The following RCAN2 variants were observed in gnomAD, a reference collection of about 807,000 sequenced individuals.
The protein encoded by RCAN2 is calcipressin-2.
A neutral mutation model predicts 23.6 loss-of-function variants in RCAN2; 9 were observed. That is an observed-to-expected ratio of 0.38 (90% CI 0.23 to 0.67). The LOEUF is 0.67. Ranked by LOEUF, RCAN2 falls within the 30% of genes least tolerant of loss-of-function variation. The pLI is 0.51. For synonymous variants in RCAN2, 109 were observed against 115.7 expected (o/e 0.94, Z 0.37); for missense variants, 273 against 302.3 (o/e 0.90, Z 0.72).
intron 2 of RCAN2, among the ~76,000 whole-genome samples, chr6:46,432,506 C>G (rs564263965): frequency 1.3e-5 from 2 of 152,204 alleles, no homozygotes; most frequent in South Asian, 4.2e-4. Flanking sequence ...AGCCACCACA[C>G]CCGGCCTATC....
intron 4 of RCAN2, among the ~76,000 whole-genome samples, chr6:46,226,937 CTT>C (rs1430450220): frequency 6.6e-6 from 1 of 152,150 alleles, no homozygotes; most frequent in Non-Finnish European, 1.5e-5. Context: ...ATAAATAACT[CTT>C]ATTACTTTTG....
chr6:46,259,089 G>A (rs1041044470), intron 2 of RCAN2, among the ~76,000 whole-genome samples: 10 of 152,150 alleles, frequency 6.6e-5, no homozygotes, highest in Non-Finnish European at 1.2e-4. Flanking sequence ...TGGAGGCTGA[G>A]GTGGGAGGAT....
At chr6:46,389,447 C>A (rs1430696855) in intron 2 of RCAN2, among the ~76,000 whole-genome samples, 1 of 152,212 alleles carries the variant, frequency 6.6e-6, no homozygotes, top group African/African-American at 2.4e-5. Flanking sequence ...AAGGCACTCT[C>A]AATCCTCCAT....
chr6:46,425,322 TCAC>T (rs911521140), intron 2 of RCAN2, among the ~76,000 whole-genome samples: 1 of 152,188 alleles, frequency 6.6e-6, no homozygotes, highest in Non-Finnish European at 1.5e-5. Flanking sequence ...AGCAATGACA[TCAC>T]CACACATCAT....
At chr6:46,293,594 CT>C (rs1444904932) in intron 2 of RCAN2, among the ~76,000 whole-genome samples, 1 of 152,148 alleles carries the variant, frequency 6.6e-6, no homozygotes, top group Non-Finnish European at 1.5e-5. Context: ...TTATTTTTAG[CT>C]GAAGAATGAC....
chr6:46,286,800 T>C (rs1021649197), intron 2 of RCAN2, among the ~76,000 whole-genome samples: 2 of 151,710 alleles, frequency 1.3e-5, no homozygotes, highest in Admixed American at 6.6e-5. Flanking sequence ...GTCAGGAGTT[T>C]GAGACGAACC....
intron 1 of RCAN2, among the ~76,000 whole-genome samples, chr6:46,470,266 C>T (rs1212035925): frequency 6.6e-6 from 1 of 152,134 alleles, no homozygotes. Context: ...TCCAACAAGA[C>T]CAATGGAAGC....
Position 46,456,843 on chromosome 6 carries a change from GCTT to G in RCAN2, c.131_133del (p.Glu44del), listed in dbSNP as rs781354200. 1.1e-5 allele frequency: 17 copies of G among 1,550,676 alleles called. No homozygotes were observed. The highest frequency in any genetic ancestry group is 3.6e-5 in the South Asian group (3 of 84,064). The stretch of plus-strand genomic sequence containing the variant: ...ATTGAAGTCAGTGATTGCTTGAAAG[GCTT>G]CTTCTGCAAAACAACGAGTGACAGC... On this transcript the variant is annotated inframe_deletion, in exon 2 of 5. Coordinates refer to ENST00000371374, the MANE Select transcript of RCAN2 (RefSeq NM_001251974.2).
chr6:46,482,522 T>C (rs972675638), intron 1 of RCAN2, among the ~76,000 whole-genome samples: 1 of 152,140 alleles, frequency 6.6e-6, no homozygotes, highest in Non-Finnish European at 1.5e-5. Context: ...CCCAGATAAA[T>C]GGAAATGGGT....
chr6:46,475,260 C>T (rs1768681445), intron 1 of RCAN2, among the ~76,000 whole-genome samples: 2 of 152,180 alleles, frequency 1.3e-5, no homozygotes, highest in Non-Finnish European at 2.9e-5. Flanking sequence ...GAAGCCATTG[C>T]TGTTTTCAAG....
chr6:46,224,162 A>C (rs1172174947), intron 4 of RCAN2, among the ~76,000 whole-genome samples: 1 of 152,110 alleles, frequency 6.6e-6, no homozygotes, highest in Non-Finnish European at 1.5e-5. Flanking sequence ...CTGGCAGCTG[A>C]TCTGGGTCTA....
intron 2 of RCAN2, among the ~76,000 whole-genome samples, chr6:46,391,115 G>T (rs1419111860): frequency 1.1e-4 from 17 of 152,168 alleles, no homozygotes; most frequent in Non-Finnish European, 2.9e-5. Context: ...CTTGAGACTT[G>T]GGCAAGTTAT....
intron 2 of RCAN2, among the ~76,000 whole-genome samples, chr6:46,291,335 A>G (rs1250640584): frequency 4.0e-5 from 6 of 149,378 alleles, no homozygotes; most frequent in Non-Finnish European, 3.0e-5. Context: ...AAGCAAGAAG[A>G]GTGAGAGGAA....
At chr6:46,401,428 C>G (rs1248693784) in intron 2 of RCAN2, among the ~76,000 whole-genome samples, 3 of 152,164 alleles carry the variant, frequency 2.0e-5, no homozygotes, top group African/African-American at 7.2e-5. Context: ...CCCTTGGATT[C>G]TTTGTGCAAA....
intron 1 of RCAN2, among the ~76,000 whole-genome samples, chr6:46,486,001 T>C (rs2150449779): frequency 6.6e-6 from 1 of 152,342 alleles, no homozygotes; most frequent in Middle Eastern, 3.4e-3. Context: ...CATGGTACTA[T>C]ACCAGGCCCA....
chr6:46,333,908 C>T (rs1214190098), intron 2 of RCAN2, among the ~76,000 whole-genome samples: 1 of 152,188 alleles, frequency 6.6e-6, no homozygotes, highest in Non-Finnish European at 1.5e-5. Flanking sequence ...GTTTATATTT[C>T]TCTTATTATG....
intron 2 of RCAN2, among the ~76,000 whole-genome samples, chr6:46,313,461 C>T (rs879319303): frequency 6.6e-6 from 1 of 152,192 alleles, no homozygotes; most frequent in Non-Finnish European, 1.5e-5. Flanking sequence ...GGAATAATGG[C>T]TCCTATTTAT....
At chr6:46,380,270 CCAAG>C (rs1477773118) in intron 2 of RCAN2, among the ~76,000 whole-genome samples, 1 of 152,130 alleles carries the variant, frequency 6.6e-6, no homozygotes, top group Non-Finnish European at 1.5e-5. Flanking sequence ...AACAGTCACA[CCAAG>C]GGATAAAGAC....
chr6:46,358,459 A>G (rs1348088425), intron 2 of RCAN2, among the ~76,000 whole-genome samples: 1 of 152,142 alleles, frequency 6.6e-6, no homozygotes, highest in Non-Finnish European at 1.5e-5. Flanking sequence ...CTTATTTAAA[A>G]TGTCCTCAGT....
Sources: allele counts gnomAD v4.1 joint callset (sites outside exome capture counted in the v4.1 genomes callset), GRCh38; gene constraint gnomAD v4.1.1; transcripts MANE v1.5; gene names NCBI Gene and HGNC (gene_info 2026-07-23, HGNC 2026-07-21).